Variants in TLN2 observed in about 807,000 individuals in gnomAD.
The protein encoded by TLN2 is talin 2.
TLN2 carries 118 observed loss-of-function variants against 294.7 expected under a neutral mutation model. The observed-to-expected ratio is 0.40, with a 90% confidence interval of 0.34 to 0.47. TLN2 has a LOEUF of 0.47. Ranked by LOEUF, TLN2 falls within the 20% of genes least tolerant of loss-of-function variation. The pLI is 0.84. For synonymous variants in TLN2, 1,431 were observed against 1,304.5 expected (o/e 1.10, Z -2.09); for missense variants, 3,083 against 3,282.2 (o/e 0.94, Z 1.48).
intron 27 of TLN2, among the ~76,000 whole-genome samples, chr15:62,725,666 A>G (rs1225650066): frequency 6.6e-6 from 1 of 152,208 alleles, no homozygotes; most frequent in African/African-American, 2.4e-5. Context: ...AGCACCTGTG[A>G]AGCACTGTAC....
At chr15:62,511,565 G>A (rs1204378982) in intron 1 of TLN2, among the ~76,000 whole-genome samples, 2 of 152,138 alleles carry the variant, frequency 1.3e-5, no homozygotes, top group East Asian at 1.9e-4. Flanking sequence ...TCCCCTACCT[G>A]CTGTAGGCCC....
intron 1 of TLN2, among the ~76,000 whole-genome samples, chr15:62,530,514 G>A (rs1182877039): frequency 6.6e-6 from 1 of 152,072 alleles, no homozygotes; most frequent in Non-Finnish European, 1.5e-5. Flanking sequence ...GCGCCACCAT[G>A]CCCGGCTAAT....
At chr15:62,519,875 C>T (rs2040372127) in intron 1 of TLN2, among the ~76,000 whole-genome samples, 2 of 152,194 alleles carry the variant, frequency 1.3e-5, no homozygotes, top group Non-Finnish European at 2.9e-5. Context: ...CGTTTTCATG[C>T]TGCTGATAAA....
chr15:62,837,960 G>GTTTAATGAAGCCTTAACCACTTT (rs1567721356), intron 57 of TLN2: 2 of 152,154 alleles, frequency 1.3e-5, no homozygotes, highest in Non-Finnish European at 2.9e-5. Flanking sequence ...AATAAGAGAG[G>GTTTAATGAAGCCTTAACCACTTT]TTTAATGAAG....
intron 1 of TLN2, among the ~76,000 whole-genome samples, chr15:62,580,895 CTTTTT>C (rs1205722415): frequency 1.3e-5 from 1 of 74,500 alleles, no homozygotes. Context: ...TTTTTTTTTT[CTTTTT>C]GAGACAGAGT....
chr15:62,535,160 G>A (rs1416159506), intron 1 of TLN2, among the ~76,000 whole-genome samples: 1 of 152,196 alleles, frequency 6.6e-6, no homozygotes, highest in Non-Finnish European at 1.5e-5. Flanking sequence ...TGTTAGCTGT[G>A]TGTTAAGAAC....
intron 2 of TLN2, among the ~76,000 whole-genome samples, chr15:62,604,600 A>G (rs12437894): frequency 0.38 from 56,963 of 148,040 alleles, 11,558 homozygotes; most frequent in East Asian, 0.59. Context: ...TTCATAAGAG[A>G]GAGGGAGCCC....
intron 2 of TLN2, among the ~76,000 whole-genome samples, chr15:62,602,983 C>T (rs2047127586): frequency 2.0e-5 from 3 of 151,920 alleles, no homozygotes; most frequent in Non-Finnish European, 4.4e-5. Flanking sequence ...AACTCTGCCT[C>T]CCAGGTTCAT....
intron 54 of TLN2, among the ~76,000 whole-genome samples, chr15:62,822,777 G>T (rs1417957630): frequency 1.3e-5 from 2 of 152,198 alleles, no homozygotes; most frequent in East Asian, 3.8e-4. Flanking sequence ...CGAAGAAAAT[G>T]CTCATGGTAT....
At chr15:62,426,531 A>G (rs186578645) in intron 1 of TLN2, among the ~76,000 whole-genome samples, 27 of 152,292 alleles carry the variant, frequency 1.8e-4, no homozygotes, top group Admixed American at 1.0e-3. Flanking sequence ...TTAGACCCAG[A>G]CAGACCTCAG....
chr15:62,512,299 A>T (rs185521006), intron 1 of TLN2, among the ~76,000 whole-genome samples: 9 of 152,236 alleles, frequency 5.9e-5, no homozygotes, highest in African/African-American at 2.2e-4. Context: ...TCGGTTGTCT[A>T]TTCTCAGAAG....
chr15:62,839,549 T>TA (rs2070339823), intron 58 of TLN2, among the ~76,000 whole-genome samples: 1 of 152,116 alleles, frequency 6.6e-6, no homozygotes, highest in Admixed American at 6.5e-5. Flanking sequence ...GATTCTGACT[T>TA]ACGCAGGATT....
At position 62,712,089 on chromosome 15, in the gene TLN2, G is replaced by A. The variant is rs746686091; in HGVS notation, c.2634+12G>A. The A allele has an allele frequency of 1.9e-6, 3 of 1,611,478 alleles. No individual in the cohort carries two copies. Among genetic ancestry groups the A allele is most frequent in the Non-Finnish European group, 2.5e-6 (3 of 1,178,158 alleles). ...TGGAAGCTGCAAAGGTATTCTACTG[G>A]ATTTGTTTGTATGAAAAGTGAACAC... On this transcript the variant is annotated intron_variant, in intron 22 of 58. Transcript: ENST00000636159.
At chr15:62,634,863 T>C (rs890849154) in intron 3 of TLN2, among the ~76,000 whole-genome samples, 1 of 152,126 alleles carries the variant, frequency 6.6e-6, no homozygotes, top group African/African-American at 2.4e-5. Flanking sequence ...GTCCAATCCT[T>C]CTTCTTCTCT....
At chr15:62,640,004 C>T (rs1411408415) in intron 3 of TLN2, among the ~76,000 whole-genome samples, 1 of 152,192 alleles carries the variant, frequency 6.6e-6, no homozygotes, top group East Asian at 1.9e-4. Flanking sequence ...CTGTCTATGC[C>T]TGGCCTGCTC....
At chr15:62,833,824 G>A in intron 55 of TLN2, 195 bp downstream of exon 55, 1 of 677,710 alleles carries the variant, frequency 1.5e-6, no homozygotes, top group Non-Finnish European at 2.2e-6. Flanking sequence ...TTGGCTTCTG[G>A]GCCTCTCATC....
intron 1 of TLN2, among the ~76,000 whole-genome samples, chr15:62,566,292 T>G (rs937996731): frequency 6.6e-6 from 1 of 151,974 alleles, no homozygotes; most frequent in Non-Finnish European, 1.5e-5. Flanking sequence ...TTGGCAAACA[T>G]TTTTGAACAT....
chr15:62,464,198 A>AT, intron 1 of TLN2, among the ~76,000 whole-genome samples: 1 of 152,332 alleles, frequency 6.6e-6, no homozygotes, highest in Admixed American at 6.5e-5. Context: ...GATGGACTGG[A>AT]TTAAGAAAAT....
intron 1 of TLN2, among the ~76,000 whole-genome samples, chr15:62,393,938 G>C (rs1368267417): frequency 1.3e-5 from 2 of 150,800 alleles, no homozygotes; most frequent in African/African-American, 4.9e-5. Context: ...ACCATGCCCA[G>C]CTAATTTTTG....
Sources: gnomAD v4.1 joint callset for allele counts (sites outside exome capture counted in the v4.1 genomes callset) on GRCh38, gnomAD v4.1.1 for gene constraint, MANE v1.5 for transcripts, NCBI Gene and HGNC (gene_info 2026-07-23, HGNC 2026-07-21) for gene names.